PRDM7: variants seen among roughly 807,000 people sequenced by gnomAD.
PRDM7 encodes PR/SET domain 7, also known as histone-lysine N-methyltransferase PRDM7.
Under a neutral mutation model 64.3 loss-of-function variants are expected in PRDM7, and 52 were observed. The observed-to-expected ratio is 0.81, with a 90% CI of 0.65 to 1.02. The LOEUF (loss-of-function observed/expected upper bound fraction) is 1.02, where lower values mean the gene tolerates loss of function less well. Ranked by LOEUF, PRDM7 falls within the 50% of genes least tolerant of loss-of-function variation. PRDM7 has a pLI of 0.00. For missense variants in PRDM7, 574 were observed against 597.1 expected, an observed-to-expected ratio of 0.96 and a Z score of 0.40; for synonymous variants, 192 against 210.1, an observed-to-expected ratio of 0.91 and a Z score of 0.74.
intron 5 of PRDM7, 126 bp from the exon 6 acceptor site, chr16:90,063,894 C>T: frequency 8.2e-7 from 1 of 1,220,196 alleles, no homozygotes; most frequent in Non-Finnish European, 1.1e-6. Context: ...TGTCTAAATA[C>T]TAGAGGGAAA....
rs2037790946 is a variant in PRDM7 at position 90,062,173 on chromosome 16, G to A, written c.630C>T (p.Asn210=). The A allele has an allele frequency of 2.5e-6, 4 of 1,614,132 alleles. No homozygotes were observed. The East Asian group carries it at 8.9e-5, about 36-fold the overall frequency. Residue 210 remains asparagine (N), a synonymous_variant, in exon 8 of 11, where the codon AAC becomes AAT. Coordinates refer to ENST00000449207, the MANE Select transcript of PRDM7 (RefSeq NM_001098173.2). ...GAGCAGCACAGCTGTCAATGAAGAA[G>A]TTCTGACACATCTCACAATCTGGAA... The part of the protein sequence containing the change: ...DDYLYCEMCQ[N]FFIDSCAAHG...
rs74034318 is a variant in PRDM7, at chr16:90,058,036, C to A, written c.*253G>T. On this transcript the variant is annotated 3_prime_UTR_variant, in exon 11 of 11. Transcript: ENST00000449207. ...CTCTCTGCAGACGTAGGGCTTCCCC[C>A]CTGTGTGTGTCCTTTGGTGTGTAAT... is the stretch of plus-strand genomic sequence containing the variant. 56 of 1,611,480 alleles carry A rather than the reference C, an allele frequency of 3.5e-5. No individual in the cohort carries two copies. Among genetic ancestry groups the A allele is most frequent in the South Asian group, 2.0e-4 (18 of 91,048 alleles).
chr16:90,075,267 G>A lies in PRDM7; in HGVS notation c.193+84C>T, dbSNP rs540041553. ...CAAAAGGGAATTGTGGGCAGATGCC[G>A]CCACCTGATAATTAAAATAATATAG... On this transcript the variant is annotated intron_variant, in intron 3 of 10. Transcript: ENST00000449207. The surrounding 1 kb of genome is among the most constrained non-coding windows in gnomAD (Gnocchi z 4.3). 473 of 1,603,394 alleles carry A rather than the reference G, an allele frequency of 2.9e-4. No individual in the cohort carries two copies. The highest frequency in any genetic ancestry group is 3.8e-4 in the Non-Finnish European group (441 of 1,172,260).
At chr16:90,071,611 C>T (rs921315655) in intron 4 of PRDM7, among the ~76,000 whole-genome samples, 2 of 151,974 alleles carry the variant, frequency 1.3e-5, no homozygotes, top group African/African-American at 2.4e-5. Flanking sequence ...TCCTTTTCAT[C>T]GGAACCCACT....
At chr16:90,072,166 G>A (rs2037968113) in intron 4 of PRDM7, among the ~76,000 whole-genome samples, 1 of 151,584 alleles carries the variant, frequency 6.6e-6, no homozygotes, top group South Asian at 2.1e-4. Context: ...GGGAGTCAGA[G>A]CTTGCAGTGA....
At chr16:90,076,704 T>C (rs2038041520) in intron 1 of PRDM7, among the ~76,000 whole-genome samples, 1 of 151,998 alleles carries the variant, frequency 6.6e-6, no homozygotes, top group African/African-American at 2.4e-5. Flanking sequence ...TGACAGGATT[T>C]GAGATTCATC....
Position 90,058,228 on chromosome 16 carries a change from A to G in PRDM7, c.*61T>C. ...TCTTTCTCCCACTCTAGAGCTCCCC[A>G]TTTGTCCTTTGGGTGGGCTAGAAAA... On this transcript the variant is annotated 3_prime_UTR_variant, in exon 11 of 11. Transcript: ENST00000449207. The G allele has an allele frequency of 1.9e-6, 3 of 1,613,954 alleles. No individual in the cohort carries two copies. Among genetic ancestry groups the G allele is most frequent in the Non-Finnish European group, 2.5e-6 (3 of 1,179,976 alleles).
rs1310624791 is a variant in PRDM7, at chr16:90,075,722, C to A, written c.69+120G>T. ...TTCTCCCCCATGTCCTGGCCAGGAC[C>A]AGCTGCCCCCATTCCATGCACATTC... On this transcript the variant is annotated intron_variant, in intron 2 of 10. Transcript: ENST00000449207. The surrounding 1 kb of genome is among the most constrained non-coding windows in gnomAD (Gnocchi z 4.3). 55 of 1,367,500 alleles carry A rather than the reference C, an allele frequency of 4.0e-5. No individual in the cohort carries two copies. Among genetic ancestry groups the A allele is most frequent in the Non-Finnish European group, 3.4e-5 (33 of 981,932 alleles). 84.7% of individuals were successfully genotyped at this position (1,367,500 alleles called of 1,614,324 possible).
intron 4 of PRDM7, 100 bp from the exon 5 acceptor site, chr16:90,067,010 G>C: frequency 9.8e-7 from 1 of 1,016,180 alleles, no homozygotes; most frequent in South Asian, 1.3e-5. Flanking sequence ...TGTCGCCCAG[G>C]CTGGAGTGCA....
At position 90,063,713 on chromosome 16, in the gene PRDM7, G is replaced by A. The variant is rs372056005; in HGVS notation, c.407C>T (p.Thr136Met). 6.1e-5 allele frequency: 98 copies of A among 1,614,122 alleles called. No individual in the cohort carries two copies. The African/African-American group carries it at 9.1e-4, about 15-fold the overall frequency. Reference sequence around the variant, plus strand: ...GTCACTTGTATTCAGTAAATTTGGCGTTCCTGACAATTCTCTCAAACTAGA... The same window carrying A: ...GTCACTTGTATTCAGTAAATTTGGCATTCCTGACAATTCTCTCAAACTAGA... ...NESSLRELSG[T>M]PNLLNTSDSE... Residue 136 changes from threonine to methionine, a missense_variant, in exon 6 of 11, where the codon ACG becomes ATG. Physicochemically the swap from Thr to Met is moderately conservative, Grantham distance 81. Transcript: ENST00000449207.
intron 4 of PRDM7, among the ~76,000 whole-genome samples, chr16:90,067,266 T>A (rs2037890346): frequency 6.6e-6 from 1 of 151,096 alleles, no homozygotes; most frequent in South Asian, 2.1e-4. Context: ...ATGCTTGGCC[T>A]AACTCTGGAG....
chr16:90,066,865 T>C lies in PRDM7; in HGVS notation c.347A>G (p.Gln116Arg), dbSNP rs762675915. Residue 116 changes from glutamine to arginine, a missense_variant, in exon 5 of 11, where the codon CAG (glutamine) becomes CGG (arginine). Gln to Arg is a conservative substitution (Grantham distance 43). Coordinates refer to ENST00000449207, the MANE Select transcript of PRDM7 (RefSeq NM_001098173.2). Reference protein sequence around the residue: ...MAFRGEQSKHQKGMPKASFNN... With the variant: ...MAFRGEQSKHRKGMPKASFNN... ...CAGGATTTGGGAGATACTTACCTTC[T>C]GGTGTTTACTCTGTTCTCCTCTGAA... is the stretch of plus-strand genomic sequence containing the variant. 2 of 1,590,540 alleles carry C rather than the reference T, an allele frequency of 1.3e-6. No homozygotes were observed. Among genetic ancestry groups the C allele is most frequent in the Admixed American group, 1.7e-5 (1 of 59,788 alleles).
In PRDM7 at chr16:90,061,961, G is replaced by C. The variant is rs773931761; in HGVS notation, c.842C>G (p.Thr281Arg). 5.0e-6 allele frequency: 8 copies of C among 1,614,162 alleles called. No individual in the cohort carries two copies. The highest frequency in any genetic ancestry group is 1.7e-5 in the Admixed American group (1 of 60,016). ...ACTGTTGGCTGCCTCTTCGTCTTCT[G>C]TAATTCGGCCCTCATAGGGGCCAAA... ...LHFGPYEGRITEDEEAANSGY... is the reference protein window; with the variant it reads ...LHFGPYEGRIREDEEAANSGY... The change falls in exon 8 of 11, where the codon ACA (threonine) becomes AGA (arginine). Residue 281 changes from threonine (T) to arginine (R), a missense_variant. Transcript: ENST00000449207.
rs767957196 is a variant in PRDM7 at position 90,075,367 on chromosome 16, A to G, written c.177T>C (p.Asn59=). ...TRYRNVKMNY[N]ALITVGLRAT... ...TCCTGTTACCTACAGTAATCAGTGC[A>G]TTATAGTTCATTTTCACATTCCTAT... The change falls in exon 3 of 11, where the codon AAT becomes AAC. Residue 59 remains asparagine, a synonymous_variant. Transcript: ENST00000449207. This position sits in a 1 kb window ranked among gnomAD's most constrained non-coding sequence, Gnocchi z 4.3. 4.3e-6 allele frequency: 7 copies of G among 1,614,126 alleles called. No homozygotes were observed. Among genetic ancestry groups the G allele is most frequent in the South Asian group, 3.3e-5 (3 of 91,092 alleles).
chr16:90,065,579 A>AT (rs989731459), intron 5 of PRDM7, among the ~76,000 whole-genome samples: 8 of 149,822 alleles, frequency 5.3e-5, no homozygotes, highest in African/African-American at 2.0e-4. Context: ...TACAAAACAC[A>AT]TAAAAATTAG....
chr16:90,061,000 G>A (rs1317075589), intron 9 of PRDM7, among the ~76,000 whole-genome samples: 1 of 152,164 alleles, frequency 6.6e-6, no homozygotes, highest in Non-Finnish European at 1.5e-5. Context: ...AAACTCAGAA[G>A]TCTCTTTCTC....
At position 90,057,652 on chromosome 16, in the gene PRDM7, C is replaced by T. The variant is rs887046169; in HGVS notation, c.*637G>A. On this transcript the variant is annotated 3_prime_UTR_variant, in exon 11 of 11. Coordinates refer to ENST00000449207, the MANE Select transcript of PRDM7 (RefSeq NM_001098173.2). ...ACTTACAGAACTATCCCCTGTTCTT[C>T]CTCAACTCTAGTCATGAAAGTGGCG... 1 of 1,091,946 alleles carries T rather than the reference C, an allele frequency of 9.2e-7. No individual in the cohort carries two copies. Among genetic ancestry groups the T allele is most frequent in the Admixed American group, 3.6e-5 (1 of 27,470 alleles). 67.6% of individuals were successfully genotyped at this position (1,091,946 alleles called of 1,614,324 possible).
intron 4 of PRDM7, 117 bp from the exon 5 acceptor site, chr16:90,067,027 C>T: frequency 1.2e-6 from 1 of 815,440 alleles, no homozygotes; most frequent in Non-Finnish European, 2.1e-6. Context: ...TGCAGTGGCA[C>T]AATCTCCCCT....
In PRDM7 at chr16:90,057,737, C is replaced by T; in HGVS notation, c.*552G>A. ...ACTCTCGGGGAATGTAAGGGGTTAG[C>T]AGACTTTCGCTGAAGCCACCTCAGA... On this transcript the variant is annotated 3_prime_UTR_variant, in exon 11 of 11. Transcript: ENST00000449207. The T allele has an allele frequency of 7.9e-7, 1 of 1,263,116 alleles. No homozygotes were observed. Among genetic ancestry groups the T allele is most frequent in the Non-Finnish European group, 1.0e-6 (1 of 975,766 alleles). 78.2% of individuals were successfully genotyped at this position (1,263,116 alleles called of 1,614,324 possible).
Sources: allele counts gnomAD v4.1 joint callset (sites outside exome capture counted in the v4.1 genomes callset), GRCh38; gene constraint gnomAD v4.1.1; non-coding constraint Gnocchi (gnomAD v3.1); transcripts MANE v1.5; gene names NCBI Gene and HGNC (gene_info 2026-07-23, HGNC 2026-07-21).